Variants in CPB1 observed in about 807,000 individuals in gnomAD.
CPB1 encodes carboxypeptidase B.
A neutral mutation model predicts 51.4 loss-of-function variants in CPB1; 53 were observed. That is an observed-to-expected ratio of 1.03 (90% CI 0.83 to 1.30). The LOEUF (loss-of-function observed/expected upper bound fraction) is 1.30. Among genes scored for constraint, CPB1 ranks in the 50% most tolerant of loss-of-function variants. The probability of loss-of-function intolerance (pLI) is 0.00; values close to 1 mark genes in which losing one functional copy is unlikely to be tolerated. For synonymous variants in CPB1, 189 were observed against 186.9 expected (o/e 1.01, Z -0.09); for missense variants, 494 against 516.2 (o/e 0.96, Z 0.42).
chr3:148,837,480 G>GAAA (rs35691600), intron 3 of CPB1, among the ~76,000 whole-genome samples: 1 of 95,674 alleles, frequency 1.0e-5, no homozygotes, highest in Non-Finnish European at 2.2e-5. Flanking sequence ...TTGTGTGTTA[G>GAAA]AAAAAAAAAA....
Position 148,828,086 on chromosome 3 carries a change from C to T in CPB1, c.147+9C>T. 6.2e-7 allele frequency: 1 copy of T among 1,607,590 alleles called. No individual in the cohort carries two copies. Among genetic ancestry groups the T allele is most frequent in the Non-Finnish European group, 8.5e-7 (1 of 1,175,374 alleles). On this transcript the variant is annotated intron_variant, in intron 2 of 10. Transcript: ENST00000282957. ...TGGCCAGCACGACCCAGGTAAGTAA[C>T]AATTTTGATTTACTTCACATCTAAT...
At chr3:148,845,930 A>G (rs1713225486) in intron 9 of CPB1, among the ~76,000 whole-genome samples, 1 of 152,190 alleles carries the variant, frequency 6.6e-6, no homozygotes, top group African/African-American at 2.4e-5. Flanking sequence ...TGCATATGAG[A>G]TAATCAACAA....
intron 9 of CPB1, among the ~76,000 whole-genome samples, chr3:148,847,372 TAAAAAAAAAAAAAAA>T (rs3043983): frequency 1.2e-5 from 1 of 86,708 alleles, no homozygotes; most frequent in African/African-American, 4.9e-5. Flanking sequence ...AAATCATTCT[TAAAAAAAAAAAAAAA>T]AAAAAAAAAG....
At chr3:148,839,821 G>C (rs1486253271) in intron 3 of CPB1, among the ~76,000 whole-genome samples, 2 of 152,118 alleles carry the variant, frequency 1.3e-5, no homozygotes, top group African/African-American at 4.8e-5. Flanking sequence ...TCTGCAAAGT[G>C]GCCTCTGTCT....
chr3:148,846,098 T>C (rs1368407647), intron 9 of CPB1, among the ~76,000 whole-genome samples: 4 of 152,292 alleles, frequency 2.6e-5, no homozygotes, highest in African/African-American at 9.6e-5. Flanking sequence ...AATACTAAAA[T>C]TGTTTATTTC....
intron 3 of CPB1, among the ~76,000 whole-genome samples, chr3:148,835,305 A>T (rs1222357323): frequency 6.6e-6 from 1 of 152,212 alleles, no homozygotes; most frequent in African/African-American, 2.4e-5. Context: ...TCAAGTTCCA[A>T]TAAGGACAGA....
Position 148,839,215 on chromosome 3 carries a change from A to G in CPB1, c.273-1471A>G, listed in dbSNP as rs529354109. Among the ~76,000 whole-genome samples, 21 of 152,272 alleles carry G rather than the reference A, an allele frequency of 1.4e-4. No homozygotes were observed. The East Asian group carries it at 4.1e-3, about 29-fold the overall frequency. ...GTTGAAGCCTTGAAGGTGGAGAAAA[A>G]GGGTATGGCCAAGGAATGCAGGCGA... is the stretch of plus-strand genomic sequence containing the variant. On this transcript the variant is annotated intron_variant, in intron 3 of 10. Transcript: ENST00000282957.
intron 3 of CPB1, among the ~76,000 whole-genome samples, chr3:148,837,734 C>T (rs1433804818): frequency 6.6e-6 from 1 of 151,766 alleles, no homozygotes; most frequent in East Asian, 1.9e-4. Flanking sequence ...AAGCAGAAGT[C>T]AGCAACACAT....
chr3:148,834,439 G>A (rs903433727), intron 2 of CPB1, 59 bp from the exon 3 acceptor site: 55 of 1,488,168 alleles, frequency 3.7e-5, no homozygotes, highest in Admixed American at 3.3e-4. Context: ...TAATGTGCTC[G>A]CAGATTATCC....
At chr3:148,828,556 G>A (rs1345884351) in intron 2 of CPB1, among the ~76,000 whole-genome samples, 3 of 152,074 alleles carry the variant, frequency 2.0e-5, no homozygotes, top group Non-Finnish European at 4.4e-5. Flanking sequence ...TGACGTGAGG[G>A]GGAAAAAGAG....
At chr3:148,847,472 A>C (rs538844373) in intron 9 of CPB1, among the ~76,000 whole-genome samples, 6 of 151,970 alleles carry the variant, frequency 3.9e-5, no homozygotes, top group Non-Finnish European at 7.4e-5. Flanking sequence ...CAGTAAAAGA[A>C]CCAAGCCTCA....
chr3:148,830,844 T>C (rs1478934150), intron 2 of CPB1, among the ~76,000 whole-genome samples: 1 of 152,182 alleles, frequency 6.6e-6, no homozygotes, highest in African/African-American at 2.4e-5. Context: ...AACATCATGC[T>C]TTAGCTCCAA....
intron 9 of CPB1, chr3:148,857,126 T>C (rs1713604724): frequency 6.0e-6 from 1 of 167,816 alleles, no homozygotes; most frequent in Non-Finnish European, 1.3e-5. Flanking sequence ...TGTTTTGGTT[T>C]GTTTGCCTGC....
chr3:148,835,860 G>A (rs1712890273), intron 3 of CPB1, among the ~76,000 whole-genome samples: 1 of 152,176 alleles, frequency 6.6e-6, no homozygotes, highest in Non-Finnish European at 1.5e-5. Flanking sequence ...TGTCAGAATT[G>A]TCACCTATAA....
chr3:148,841,064 T>C, intron 5 of CPB1, 89 bp downstream of exon 5: 1 of 1,054,222 alleles, frequency 9.5e-7, no homozygotes, highest in South Asian at 1.5e-5. Flanking sequence ...CAGACACGCT[T>C]ATCCCAAACA....
chr3:148,833,479 C>T (rs568491230), intron 2 of CPB1, among the ~76,000 whole-genome samples: 20 of 152,114 alleles, frequency 1.3e-4, no homozygotes, highest in Non-Finnish European at 2.6e-4. Flanking sequence ...TCTGCCCAAA[C>T]TCCCTTCCAA....
chr3:148,831,536 T>C (rs533598611), intron 2 of CPB1, among the ~76,000 whole-genome samples: 1 of 152,198 alleles, frequency 6.6e-6, no homozygotes, highest in Non-Finnish European at 1.5e-5. Flanking sequence ...ATCTTATTCC[T>C]GGAAAAATTT....
chr3:148,829,952 A>G (rs1052954465), intron 2 of CPB1, among the ~76,000 whole-genome samples: 11 of 152,324 alleles, frequency 7.2e-5, no homozygotes, highest in African/African-American at 2.6e-4. Flanking sequence ...AAAGATATCA[A>G]TGCAGAGACT....
intron 3 of CPB1, among the ~76,000 whole-genome samples, chr3:148,836,505 C>G (rs1210623807): frequency 6.6e-6 from 1 of 152,028 alleles, no homozygotes; most frequent in Non-Finnish European, 1.5e-5. Context: ...TTAATTCTAC[C>G]CTTATCACAA....
Sources: allele counts gnomAD v4.1 joint callset (sites outside exome capture counted in the v4.1 genomes callset), GRCh38; gene constraint gnomAD v4.1.1; transcripts MANE v1.5; gene names NCBI Gene and HGNC (gene_info 2026-07-23, HGNC 2026-07-21).